Variants in HEATR3 observed in about 807,000 individuals in gnomAD.
HEATR3 encodes HEAT repeat containing 3, also known as HEAT repeat-containing protein 3.
HEATR3 carries 56 observed loss-of-function variants against 72.8 expected under a neutral mutation model. The observed-to-expected ratio is 0.77, with a 90% CI of 0.62 to 0.96. The LOEUF is 0.96. Ranked by LOEUF, HEATR3 falls within the 40% of genes least tolerant of loss-of-function variation. The pLI, the probability that HEATR3 is intolerant of heterozygous loss-of-function variation, is 0.00. For missense variants in HEATR3, 747 were observed against 831.4 expected, an observed-to-expected ratio of 0.90 and a Z score of 1.25; for synonymous variants, 331 against 318.1, an observed-to-expected ratio of 1.04 and a Z score of -0.43.
At chr16:50,082,777 G>C (rs932581783) in intron 7 of HEATR3, among the ~76,000 whole-genome samples, 2 of 139,078 alleles carry the variant, frequency 1.4e-5, no homozygotes, top group Non-Finnish European at 3.2e-5. Flanking sequence ...AAAAAAAGCA[G>C]GTAAATTTTT....
intron 11 of HEATR3, among the ~76,000 whole-genome samples, chr16:50,089,007 A>G (rs1467964336): frequency 3.9e-5 from 6 of 152,162 alleles, no homozygotes; most frequent in Admixed American, 1.3e-4. Flanking sequence ...TGCCTGTGCT[A>G]TAGTGAAAGC....
At chr16:50,078,356 C>T (rs7203348) in intron 6 of HEATR3, among the ~76,000 whole-genome samples, 103,526 of 152,112 alleles carry the variant, frequency 0.68, 35,527 homozygotes, top group South Asian at 0.72. Context: ...GTCAGACCAA[C>T]CTTGGAATTT....
chr16:50,088,069 G>A (rs1241048735), intron 11 of HEATR3, among the ~76,000 whole-genome samples: 1 of 152,192 alleles, frequency 6.6e-6, no homozygotes, highest in Non-Finnish European at 1.5e-5. Flanking sequence ...GGAGGTTGTG[G>A]TGAGCCAAGA....
intron 11 of HEATR3, among the ~76,000 whole-genome samples, chr16:50,091,049 C>CA (rs1432349075): frequency 7.2e-5 from 11 of 152,200 alleles, no homozygotes; most frequent in Admixed American, 6.5e-4. Context: ...GAGGCTGAGA[C>CA]AGGAGAACTC....
chr16:50,106,751 C>T lies in HEATR3; in HGVS notation c.*1690C>T, dbSNP rs1388644696. 1.3e-5 allele frequency: 2 copies of T among 152,184 alleles called. No homozygotes were observed. Among genetic ancestry groups the T allele is most frequent in the East Asian group, 3.8e-4 (2 of 5,196 alleles). The allele number at this position is 152,184 out of a possible 1,614,324, so 9.4% of individuals were successfully genotyped here. ...TACAGGACTTAATTTTAATTCACTGCTTCCACAGCAGCACAAAATGAGCTA... is the reference window on the plus strand; with the variant it reads ...TACAGGACTTAATTTTAATTCACTGTTTCCACAGCAGCACAAAATGAGCTA... On this transcript the variant is annotated 3_prime_UTR_variant, in exon 15 of 15. Transcript: ENST00000299192.
intron 13 of HEATR3, among the ~76,000 whole-genome samples, chr16:50,101,368 A>G (rs1369080337): frequency 2.0e-5 from 3 of 152,158 alleles, no homozygotes; most frequent in Non-Finnish European, 4.4e-5. Flanking sequence ...TACCTACTTC[A>G]GCATCCCAGA....
Position 50,094,715 on chromosome 16 carries a change from A to G in HEATR3, c.1521A>G (p.Lys507=). 1 of 1,559,504 alleles carries G rather than the reference A, an allele frequency of 6.4e-7. No individual in the cohort carries two copies. Reference sequence around the variant, plus strand: ...ATTTTTGTGTTTTAGATTTTGCTAAACATGTTGACTTTCTAGAAGCCATAA... The same window carrying G: ...ATTTTTGTGTTTTAGATTTTGCTAAGCATGTTGACTTTCTAGAAGCCATAA... ...QLLFSQPDFA[K]HVDFLEAISS... is the part of the protein sequence containing the mutation. Residue 507 remains lysine (K), a synonymous_variant, in exon 12 of 15, where the codon AAA becomes AAG. Coordinates refer to ENST00000299192, the MANE Select transcript of HEATR3 (RefSeq NM_182922.4).
intron 11 of HEATR3, among the ~76,000 whole-genome samples, chr16:50,087,479 A>C (rs139883628): frequency 7.9e-5 from 12 of 152,258 alleles, no homozygotes; most frequent in Non-Finnish European, 5.9e-5. Flanking sequence ...ATAGTTCCTC[A>C]TAGTAAAATC....
chr16:50,093,245 G>T (rs755082099), intron 11 of HEATR3, among the ~76,000 whole-genome samples: 17 of 152,302 alleles, frequency 1.1e-4, no homozygotes, highest in Admixed American at 3.3e-4. Context: ...GGAACTGTGG[G>T]GCAGGAAGTG....
At chr16:50,084,866 G>C (rs190215860) in intron 10 of HEATR3, among the ~76,000 whole-genome samples, 1 of 152,122 alleles carries the variant, frequency 6.6e-6, no homozygotes, top group African/African-American at 2.4e-5. Context: ...ATAAACAAAC[G>C]TGTTGTCCAT....
chr16:50,088,854 T>G (rs971113798), intron 11 of HEATR3, among the ~76,000 whole-genome samples: 1 of 152,114 alleles, frequency 6.6e-6, no homozygotes, highest in African/African-American at 2.4e-5. Flanking sequence ...ACCTAAGCTC[T>G]AGGTAACCCT....
rs771839986 is a variant in HEATR3, at chr16:50,078,772, A to G, written c.795A>G (p.Pro265=). Residue 265 remains proline, a synonymous_variant, in exon 7 of 15, where the codon CCA becomes CCG. Transcript: ENST00000299192. ...GTIWNLKDII[P]CKSQAEIINA... is the part of the protein sequence containing the mutation. ...TTTGGAATCTAAAGGACATTATTCC[A>G]TGCAAGAGTCAAGCAGAAATCATAA... 6.2e-7 allele frequency: 1 copy of G among 1,614,028 alleles called. No homozygotes were observed. The highest frequency in any genetic ancestry group is 2.2e-5 in the East Asian group (1 of 44,854).
chr16:50,072,256 A>G (rs1295233941), intron 4 of HEATR3, among the ~76,000 whole-genome samples: 1 of 152,154 alleles, frequency 6.6e-6, no homozygotes, highest in African/African-American at 2.4e-5. Context: ...GTGCTCTTTG[A>G]TGGGCCACTT....
intron 6 of HEATR3, 143 bp downstream of exon 6, chr16:50,075,854 G>C: frequency 1.5e-6 from 1 of 660,272 alleles, no homozygotes; most frequent in South Asian, 2.0e-5. Context: ...TCTGAGAAGA[G>C]ACCCTTACTT....
intron 5 of HEATR3, chr16:50,074,541 T>C (rs1202805297): frequency 1.3e-5 from 2 of 151,996 alleles, no homozygotes; most frequent in Non-Finnish European, 2.9e-5. Flanking sequence ...GGTTTTGCCA[T>C]GCTGGCCAGG....
chr16:50,106,782 G>T lies in HEATR3; in HGVS notation c.*1721G>T, dbSNP rs1038753634. 1.2e-4 allele frequency: 19 copies of T among 152,134 alleles called. No individual in the cohort carries two copies. Among genetic ancestry groups the T allele is most frequent in the African/African-American group, 4.3e-4 (18 of 41,410 alleles). 9.4% of individuals were successfully genotyped at this position (152,134 alleles called of 1,614,324 possible). ...CAGCAGCACAAAATGAGCTAGTAGTGTTAGATTTCATCTGCACTGTGATGT... is the reference window on the plus strand; with the variant it reads ...CAGCAGCACAAAATGAGCTAGTAGTTTTAGATTTCATCTGCACTGTGATGT... On this transcript the variant is annotated 3_prime_UTR_variant, in exon 15 of 15. Transcript: ENST00000299192.
At position 50,105,918 on chromosome 16, in the gene HEATR3, C is replaced by T. The variant is rs1397977425; in HGVS notation, c.*857C>T. 6.6e-6 allele frequency: 1 copy of T among 152,094 alleles called. No homozygotes were observed. The highest frequency in any genetic ancestry group is 1.5e-5 in the Non-Finnish European group (1 of 68,024). 9.4% of individuals were successfully genotyped at this position (152,094 alleles called of 1,614,324 possible). A position where few individuals can be genotyped will look rare whatever the true frequency, so the allele number is the denominator to read the frequency against. Reference sequence around the variant, plus strand: ...AGATCTGTGTGGCATTTCTAGCGCTCTCTAAATTATGTCTCTGGCATATTT... The same window carrying T: ...AGATCTGTGTGGCATTTCTAGCGCTTTCTAAATTATGTCTCTGGCATATTT... On this transcript the variant is annotated 3_prime_UTR_variant, in exon 15 of 15. Transcript: ENST00000299192.
chr16:50,070,681 G>A (rs2036592121), intron 4 of HEATR3, among the ~76,000 whole-genome samples: 2 of 151,940 alleles, frequency 1.3e-5, no homozygotes, highest in East Asian at 1.9e-4. Flanking sequence ...CAGCCTGGGG[G>A]ACAGGGCGAA....
intron 12 of HEATR3, among the ~76,000 whole-genome samples, chr16:50,099,700 T>C (rs1437103461): frequency 6.6e-6 from 1 of 152,182 alleles, no homozygotes; most frequent in African/African-American, 2.4e-5. Context: ...TGCCTCAGCC[T>C]CCTGAGTAGC....
Sources: gnomAD v4.1 joint callset for allele counts (sites outside exome capture counted in the v4.1 genomes callset) on GRCh38, gnomAD v4.1.1 for gene constraint, MANE v1.5 for transcripts, NCBI Gene and HGNC (gene_info 2026-07-23, HGNC 2026-07-21) for gene names.